The following DSCAM variants were observed in gnomAD, a reference collection of about 807,000 sequenced individuals.
The protein encoded by DSCAM is cell adhesion molecule DSCAM.
In DSCAM, 47 loss-of-function variants were observed where a neutral mutation model predicts 217.7. The ratio of observed to expected loss-of-function variants is 0.22; its 90% CI spans 0.17 to 0.28. The LOEUF is 0.28. Among genes scored for constraint, DSCAM ranks in the 10% least tolerant of loss-of-function variants. The probability of loss-of-function intolerance (pLI) is 1.00; values close to 1 mark genes in which losing one functional copy is unlikely to be tolerated. For missense variants in DSCAM, 2,080 were observed against 2,618.3 expected (o/e 0.79, Z 4.49); for synonymous variants, 1,056 against 1,015.3 (o/e 1.04, Z -0.76).
intron 3 of DSCAM, among the ~76,000 whole-genome samples, chr21:40,496,129 C>T (rs2076116597): frequency 6.6e-6 from 1 of 152,052 alleles, no homozygotes; most frequent in Non-Finnish European, 1.5e-5. Flanking sequence ...TCAATGCACT[C>T]CCTATCAAAA....
chr21:40,750,505 G>A (rs937294450), intron 1 of DSCAM, among the ~76,000 whole-genome samples: 2 of 151,900 alleles, frequency 1.3e-5, no homozygotes, highest in Non-Finnish European at 2.9e-5. Flanking sequence ...CAGTCTCTTT[G>A]TACTCACTCC....
intron 3 of DSCAM, among the ~76,000 whole-genome samples, chr21:40,469,514 C>T (rs2075871282): frequency 6.6e-6 from 1 of 152,046 alleles, no homozygotes; most frequent in South Asian, 2.1e-4. Context: ...TCATTTTGTG[C>T]TTTGAAGTGT....
At chr21:40,708,879 C>A (rs1297224971) in intron 1 of DSCAM, 108 bp from the exon 2 acceptor site, 7 of 810,116 alleles carry the variant, frequency 8.6e-6, no homozygotes, top group Non-Finnish European at 1.2e-5. Flanking sequence ...TCATGAGGCG[C>A]AGGCTCAAAT....
chr21:40,767,159 G>A (rs1167070202), intron 1 of DSCAM, among the ~76,000 whole-genome samples: 1 of 152,138 alleles, frequency 6.6e-6, no homozygotes, highest in African/African-American at 2.4e-5. Context: ...GGAGGGGTGT[G>A]TTTGGAAAAA....
intron 3 of DSCAM, among the ~76,000 whole-genome samples, chr21:40,630,079 G>A (rs373344905): frequency 6.6e-6 from 1 of 152,178 alleles, no homozygotes; most frequent in Non-Finnish European, 1.5e-5. Context: ...AGCCCAACAG[G>A]AAGAGGTGTG....
intron 3 of DSCAM, among the ~76,000 whole-genome samples, chr21:40,399,255 G>A (rs2075210417): frequency 6.7e-6 from 1 of 149,508 alleles, no homozygotes; most frequent in African/African-American, 2.5e-5. Context: ...GGGTGACAGA[G>A]GAAGACCCTG....
chr21:40,364,543 G>C (rs529256103), intron 4 of DSCAM, among the ~76,000 whole-genome samples: 45 of 135,986 alleles, frequency 3.3e-4, no homozygotes, highest in Non-Finnish European at 3.5e-4. Flanking sequence ...TGGGGGGAGG[G>C]GGGAGGGATA....
At chr21:40,416,867 T>C (rs2075376597) in intron 3 of DSCAM, among the ~76,000 whole-genome samples, 1 of 152,154 alleles carries the variant, frequency 6.6e-6, no homozygotes, top group Non-Finnish European at 1.5e-5. Flanking sequence ...AAATTTAAAA[T>C]CTCATTCTTT....
chr21:40,392,260 T>C (rs545491270), intron 3 of DSCAM, among the ~76,000 whole-genome samples: 1 of 152,300 alleles, frequency 6.6e-6, no homozygotes, highest in South Asian at 2.1e-4. Context: ...TGTACAGGTA[T>C]TAAGAATAAT....
At chr21:40,318,331 A>G (rs1052026313) in intron 8 of DSCAM, among the ~76,000 whole-genome samples, 8 of 102,186 alleles carry the variant, frequency 7.8e-5, no homozygotes, top group African/African-American at 3.7e-4. Context: ...AACTTAAAGT[A>G]TAATTAAAAA....
chr21:40,825,994 G>T (rs140098003), intron 1 of DSCAM, among the ~76,000 whole-genome samples: 1 of 152,160 alleles, frequency 6.6e-6, no homozygotes. Flanking sequence ...TACTTACTGG[G>T]CACCTGCAGC....
chr21:40,828,933 C>T (rs1569057462), intron 1 of DSCAM, among the ~76,000 whole-genome samples: 1 of 152,218 alleles, frequency 6.6e-6, no homozygotes, highest in Non-Finnish European at 1.5e-5. Context: ...GCTGGGATTA[C>T]AGGTGTGCAC....
chr21:40,712,469 C>CAAAAAAAAAA lies in DSCAM; in HGVS notation c.44-3708_44-3699dup, dbSNP rs571819417. On this transcript the variant is annotated intron_variant, in intron 1 of 32. Transcript: ENST00000400454. ...TGGGCGACAGAGCGAGACTCCGTCT[C>CAAAAAAAAAA]AAAAAAAAAAAAAAAAAAAAAAAAA... is the stretch of plus-strand genomic sequence containing the variant. 1.5e-4 allele frequency among the ~76,000 whole-genome samples: 4 copies of CAAAAAAAAAA among 27,344 alleles called. 1 individual carries two copies. Among genetic ancestry groups the CAAAAAAAAAA allele is most frequent in the Non-Finnish European group, 1.7e-4 (2 of 11,940 alleles). The allele number at this position is 27,344 out of a possible 152,430, so 17.9% of individuals were successfully genotyped here. A position where few individuals can be genotyped will look rare whatever the true frequency, so the allele number is the denominator to read the frequency against.
At chr21:40,519,017 G>C (rs1340563502) in intron 3 of DSCAM, among the ~76,000 whole-genome samples, 1 of 152,046 alleles carries the variant, frequency 6.6e-6, no homozygotes, top group East Asian at 1.9e-4. Context: ...AATATACCAA[G>C]CATAAAAGTG....
chr21:40,527,342 G>C (rs1223847543), intron 3 of DSCAM, among the ~76,000 whole-genome samples: 2 of 152,180 alleles, frequency 1.3e-5, no homozygotes, highest in African/African-American at 2.4e-5. Context: ...GGGCATCTTT[G>C]TATTTCACAT....
chr21:40,813,164 G>C (rs969621771), intron 1 of DSCAM, among the ~76,000 whole-genome samples: 3 of 152,214 alleles, frequency 2.0e-5, no homozygotes, highest in Non-Finnish European at 4.4e-5. Flanking sequence ...GTATAATAGA[G>C]ATGATGATTG....
chr21:40,420,930 T>C (rs1159578990), intron 3 of DSCAM, among the ~76,000 whole-genome samples: 2 of 152,152 alleles, frequency 1.3e-5, no homozygotes, highest in Non-Finnish European at 2.9e-5. Context: ...TGGGAGATGA[T>C]GCATTTCTTT....
At chr21:40,473,062 T>G (rs1260403700) in intron 3 of DSCAM, among the ~76,000 whole-genome samples, 1 of 152,168 alleles carries the variant, frequency 6.6e-6, no homozygotes, top group Non-Finnish European at 1.5e-5. Flanking sequence ...ATCCATGTTG[T>G]TCTGGGGGAA....
chr21:40,145,949 C>T (rs73225216), intron 16 of DSCAM, among the ~76,000 whole-genome samples: 4,528 of 147,504 alleles, frequency 0.031, 95 homozygotes, highest in East Asian at 0.055. Context: ...TATGTGTATG[C>T]GTGTATGTAT....
Sources: allele counts gnomAD v4.1 joint callset (sites outside exome capture counted in the v4.1 genomes callset), GRCh38; gene constraint gnomAD v4.1.1; transcripts MANE v1.5; gene names NCBI Gene and HGNC (gene_info 2026-07-23, HGNC 2026-07-21).